PAPSS1: variants seen among roughly 807,000 people sequenced by gnomAD.
The protein encoded by PAPSS1 is bifunctional 3'-phosphoadenosine 5'-phosphosulfate synthase 1.
In PAPSS1, 50 loss-of-function variants were observed where a neutral mutation model predicts 72.0. The observed-to-expected ratio is 0.69, with a 90% CI of 0.55 to 0.88. The LOEUF (loss-of-function observed/expected upper bound fraction) is 0.88, where lower values mean the gene tolerates loss of function less well. Among genes scored for constraint, PAPSS1 ranks in the 40% least tolerant of loss-of-function variants. The pLI, the probability that PAPSS1 is intolerant of heterozygous loss-of-function variation, is 0.00. For missense variants in PAPSS1, 657 were observed against 782.2 expected (o/e 0.84, Z 1.91); for synonymous variants, 261 against 263.6 (o/e 0.99, Z 0.09).
chr4:107,695,541 G>A (rs1223951747), intron 2 of PAPSS1, among the ~76,000 whole-genome samples: 1 of 152,110 alleles, frequency 6.6e-6, no homozygotes, highest in African/African-American at 2.4e-5. Flanking sequence ...ACTAGGAGTG[G>A]TGAGAGACAG....
intron 5 of PAPSS1, 59 bp from the exon 6 acceptor site, chr4:107,660,131 AG>A: frequency 1.1e-6 from 1 of 872,064 alleles, no homozygotes; most frequent in African/African-American, 1.7e-5. Flanking sequence ...AGTTCACCAA[AG>A]GGTATCTTAA....
intron 2 of PAPSS1, among the ~76,000 whole-genome samples, chr4:107,699,731 C>G (rs950336222): frequency 6.6e-6 from 1 of 152,098 alleles, no homozygotes; most frequent in Non-Finnish European, 1.5e-5. Context: ...CACACTTATT[C>G]AAAACATTTA....
intron 11 of PAPSS1, among the ~76,000 whole-genome samples, chr4:107,619,959 T>A (rs1380387543): frequency 3.9e-5 from 6 of 152,218 alleles, no homozygotes; most frequent in Non-Finnish European, 4.4e-5. Context: ...GCATCTTGAC[T>A]AACTCCAAAG....
chr4:107,658,833 C>T (rs1209276154), intron 6 of PAPSS1, among the ~76,000 whole-genome samples: 1 of 152,076 alleles, frequency 6.6e-6, no homozygotes, highest in African/African-American at 2.4e-5. Context: ...ATACTGAAGG[C>T]CTAACCCCAA....
chr4:107,635,149 T>C (rs1203617773), intron 10 of PAPSS1, among the ~76,000 whole-genome samples: 1 of 152,184 alleles, frequency 6.6e-6, no homozygotes, highest in East Asian at 1.9e-4. Flanking sequence ...TTTTTCCTTA[T>C]TTTTTATATT....
At chr4:107,674,076 C>A (rs554631253) in intron 5 of PAPSS1, among the ~76,000 whole-genome samples, 9 of 152,288 alleles carry the variant, frequency 5.9e-5, no homozygotes, top group Middle Eastern at 3.4e-3. Flanking sequence ...ACAACCGGTA[C>A]CAGCCACTGC....
intron 11 of PAPSS1, among the ~76,000 whole-genome samples, chr4:107,620,476 A>G (rs953309925): frequency 1.3e-5 from 2 of 152,232 alleles, no homozygotes; most frequent in Non-Finnish European, 1.5e-5. Flanking sequence ...ATTATCTAAA[A>G]TCTAATTAAT....
intron 1 of PAPSS1, chr4:107,718,312 C>T (rs1029168982): frequency 6.6e-6 from 1 of 152,198 alleles, no homozygotes; most frequent in Non-Finnish European, 1.5e-5. Flanking sequence ...AAGAGCATCA[C>T]GGAGCCCCAG....
At chr4:107,650,982 A>C (rs1726824463) in intron 9 of PAPSS1, among the ~76,000 whole-genome samples, 1 of 152,200 alleles carries the variant, frequency 6.6e-6, no homozygotes, top group African/African-American at 2.4e-5. Context: ...ACTGACAAAA[A>C]AGAGTGGGGC....
chr4:107,715,164 C>T (rs929244956), intron 1 of PAPSS1, among the ~76,000 whole-genome samples: 4 of 152,200 alleles, frequency 2.6e-5, no homozygotes, highest in African/African-American at 9.6e-5. Context: ...GCTCTTGAAA[C>T]GTGGTTACTG....
intron 9 of PAPSS1, among the ~76,000 whole-genome samples, chr4:107,648,700 T>C (rs1224671494): frequency 6.6e-6 from 1 of 152,226 alleles, no homozygotes; most frequent in African/African-American, 2.4e-5. Context: ...ATTTCTGATT[T>C]TCCTAAATCA....
At chr4:107,685,362 C>A (rs1722753393) in intron 4 of PAPSS1, among the ~76,000 whole-genome samples, 1 of 152,156 alleles carries the variant, frequency 6.6e-6, no homozygotes, top group Non-Finnish European at 1.5e-5. Flanking sequence ...GACAAACCTT[C>A]CTCCCTCACC....
intron 5 of PAPSS1, among the ~76,000 whole-genome samples, chr4:107,680,952 T>C (rs768633408): frequency 2.2e-4 from 33 of 152,132 alleles, no homozygotes; most frequent in Admixed American, 7.9e-4. Context: ...TCAGCTACAA[T>C]GTTTGGATAA....
chr4:107,706,560 G>A (rs2125939366), intron 1 of PAPSS1, among the ~76,000 whole-genome samples: 1 of 152,084 alleles, frequency 6.6e-6, no homozygotes, highest in Admixed American at 6.5e-5. Context: ...GGTTTGCTGG[G>A]CTTCCTTAAA....
chr4:107,680,212 G>A (rs1254564413), intron 5 of PAPSS1, among the ~76,000 whole-genome samples: 2 of 151,936 alleles, frequency 1.3e-5, no homozygotes, highest in African/African-American at 4.8e-5. Context: ...CAAGCAGGTT[G>A]GGGAATTCTA....
chr4:107,687,056 C>G lies in PAPSS1; in HGVS notation c.533G>C (p.Arg178Pro). ...TTACTGACCTTTAATTTCTCCTGCC[C>G]GGGCTTTTTTGTAGAGTCCTTTGAC... ...RDVKGLYKKA[R>P]AGEIKGFTGI... Residue 178 changes from arginine to proline, a missense_variant, in exon 4 of 12, where the codon CGG becomes CCG. Physicochemically the swap from Arg to Pro is moderately radical, Grantham distance 103. Around this residue, in one of 7 missense-constraint regions of PAPSS1, gnomAD observed 119 missense variants for 171.1 expected, o/e 0.70. Coordinates refer to ENST00000265174, the MANE Select transcript of PAPSS1 (RefSeq NM_005443.5). 1 of 1,595,936 alleles carries G rather than the reference C, an allele frequency of 6.3e-7. No individual in the cohort carries two copies. The highest frequency in any genetic ancestry group is 8.5e-7 in the Non-Finnish European group (1 of 1,174,044).
intron 7 of PAPSS1, 72 bp from the exon 8 acceptor site, chr4:107,654,972 C>A: frequency 9.4e-7 from 1 of 1,065,152 alleles, no homozygotes; most frequent in Non-Finnish European, 1.4e-6. Context: ...ACCCACCTTT[C>A]ACTTCAGGGG....
At chr4:107,632,482 T>A (rs1189733958) in intron 10 of PAPSS1, among the ~76,000 whole-genome samples, 1 of 151,650 alleles carries the variant, frequency 6.6e-6, no homozygotes, top group African/African-American at 2.4e-5. Flanking sequence ...AATATATAAC[T>A]AATCTTATAA....
chr4:107,689,366 C>A (rs1367282031), intron 3 of PAPSS1, among the ~76,000 whole-genome samples: 1 of 152,146 alleles, frequency 6.6e-6, no homozygotes, highest in African/African-American at 2.4e-5. Context: ...CCCCTACCAG[C>A]AACACTCAAC....
Sources: allele counts gnomAD v4.1 joint callset (sites outside exome capture counted in the v4.1 genomes callset), GRCh38; gene constraint gnomAD v4.1.1; regional missense constraint gnomAD v4.1.1; transcripts MANE v1.5; gene names NCBI Gene and HGNC (gene_info 2026-07-23, HGNC 2026-07-21).